Variants in PRICKLE1 observed in about 807,000 individuals in gnomAD.
PRICKLE1 encodes prickle planar cell polarity protein 1.
Under a neutral mutation model 70.2 loss-of-function variants are expected in PRICKLE1, and 14 were observed. The observed-to-expected ratio is 0.20, with a 90% CI of 0.13 to 0.31. PRICKLE1 has a LOEUF of 0.31. Among genes scored for constraint, PRICKLE1 ranks in the 10% least tolerant of loss-of-function variants. The pLI, the probability that PRICKLE1 is intolerant of heterozygous loss-of-function variation, is 1.00. For synonymous variants in PRICKLE1, 357 were observed against 379.9 expected (o/e 0.94, Z 0.70); for missense variants, 821 against 1,026.2 (o/e 0.80, Z 2.73).
chr12:42,553,098 C>T (rs1023520789), intron 1 of PRICKLE1, among the ~76,000 whole-genome samples: 2 of 152,048 alleles, frequency 1.3e-5, no homozygotes, highest in Non-Finnish European at 2.9e-5. Context: ...GGGTGGGGAC[C>T]CCTGTCTTAG....
chr12:42,533,867 A>T (rs1939969316), intron 1 of PRICKLE1, among the ~76,000 whole-genome samples: 1 of 152,100 alleles, frequency 6.6e-6, no homozygotes, highest in Non-Finnish European at 1.5e-5. Flanking sequence ...CCTCCCACAC[A>T]AAAACGCCCC....
chr12:42,461,222 T>A (rs1937819930), intron 7 of PRICKLE1, among the ~76,000 whole-genome samples: 1 of 152,248 alleles, frequency 6.6e-6, no homozygotes, highest in African/African-American at 2.4e-5. Context: ...CAAAGATTAG[T>A]TAAGTAGTTA....
chr12:42,488,896 T>G (rs1024076351), intron 1 of PRICKLE1, among the ~76,000 whole-genome samples: 1 of 151,950 alleles, frequency 6.6e-6, no homozygotes, highest in Non-Finnish European at 1.5e-5. Flanking sequence ...TCACATTATA[T>G]GTAAACCTTT....
At chr12:42,543,166 G>GC (rs1244272703) in intron 1 of PRICKLE1, among the ~76,000 whole-genome samples, 4 of 152,286 alleles carry the variant, frequency 2.6e-5, no homozygotes, top group Admixed American at 2.6e-4. Context: ...AAGCCAGCCA[G>GC]CCCAAGGTGC....
chr12:42,461,279 C>T (rs1191235356), intron 7 of PRICKLE1, among the ~76,000 whole-genome samples: 2 of 152,206 alleles, frequency 1.3e-5, no homozygotes, highest in Non-Finnish European at 2.9e-5. Flanking sequence ...TTCACAGCAG[C>T]CTGTTCATTC....
chr12:42,485,213 C>T (rs1479087832), intron 1 of PRICKLE1: 1 of 143,120 alleles, frequency 7.0e-6, no homozygotes, highest in African/African-American at 2.6e-5. Flanking sequence ...TCTGTTATCT[C>T]AGCTACAAAG....
At chr12:42,520,390 G>A (rs767990081) in intron 1 of PRICKLE1, among the ~76,000 whole-genome samples, 1 of 152,186 alleles carries the variant, frequency 6.6e-6, no homozygotes, top group Non-Finnish European at 1.5e-5. Context: ...CCCTGAGACA[G>A]AATATGACTC....
At chr12:42,463,929 A>G (rs1350392655) in intron 7 of PRICKLE1, among the ~76,000 whole-genome samples, 1 of 152,100 alleles carries the variant, frequency 6.6e-6, no homozygotes, top group Non-Finnish European at 1.5e-5. Flanking sequence ...CTCACCTCAC[A>G]CATGTGTTTG....
intron 1 of PRICKLE1, among the ~76,000 whole-genome samples, chr12:42,498,152 T>A (rs2140178578): frequency 6.7e-6 from 1 of 149,108 alleles, no homozygotes; most frequent in African/African-American, 2.5e-5. Context: ...CTAGTCTCAT[T>A]TTCTTTTTTT....
Position 42,459,885 on chromosome 12 carries a change from G to A in PRICKLE1, c.2420C>T (p.Thr807Ile). ...TGTTGTCCTCTGACCAAACTGAGGG[G>A]TGGGAAGTGCAGATGGTGGACTAGA... ...DLSSPPSALPTPQFGQRTTKS... is the reference protein window; with the variant it reads ...DLSSPPSALPIPQFGQRTTKS... Residue 807 changes from threonine (T) to isoleucine (I), a missense_variant, in exon 8 of 8, where the codon ACC (threonine) becomes ATC (isoleucine). By Grantham distance (89) the Thr-to-Ile change is moderately conservative. Coordinates refer to ENST00000345127, the MANE Select transcript of PRICKLE1 (RefSeq NM_153026.3). 1.9e-6 allele frequency: 3 copies of A among 1,614,076 alleles called. No individual in the cohort carries two copies. Among genetic ancestry groups the A allele is most frequent in the Non-Finnish European group, 2.5e-6 (3 of 1,179,964 alleles).
chr12:42,549,405 T>C (rs1253367520), intron 1 of PRICKLE1, among the ~76,000 whole-genome samples: 1 of 152,200 alleles, frequency 6.6e-6, no homozygotes, highest in Non-Finnish European at 1.5e-5. Context: ...GTTAAACTTA[T>C]CTTGACATAG....
intron 1 of PRICKLE1, among the ~76,000 whole-genome samples, chr12:42,552,332 T>G (rs1260580618): frequency 6.6e-6 from 1 of 152,148 alleles, no homozygotes; most frequent in African/African-American, 2.4e-5. Flanking sequence ...CCTCCCAAAG[T>G]GCTGGGATTA....
intron 1 of PRICKLE1, among the ~76,000 whole-genome samples, chr12:42,475,215 TAA>T (rs1938475677): frequency 6.6e-6 from 1 of 152,226 alleles, no homozygotes; most frequent in African/African-American, 2.4e-5. Flanking sequence ...ATGCACAAAG[TAA>T]AGAGTCCAAC....
intron 1 of PRICKLE1, among the ~76,000 whole-genome samples, chr12:42,549,724 C>A (rs1332803548): frequency 6.6e-6 from 1 of 152,194 alleles, no homozygotes; most frequent in African/African-American, 2.4e-5. Context: ...CACACTGCTG[C>A]CACATAGAGT....
intron 1 of PRICKLE1, among the ~76,000 whole-genome samples, chr12:42,478,083 T>G (rs184711856): frequency 3.9e-5 from 6 of 152,220 alleles, no homozygotes; most frequent in African/African-American, 1.4e-4. Flanking sequence ...TTTGCTCCAT[T>G]TGCTTTTGCA....
In PRICKLE1 at chr12:42,498,940, C is replaced by A. The variant is rs1165024613; in HGVS notation, c.-48-26376G>T. 2.6e-5 allele frequency among the ~76,000 whole-genome samples: 4 copies of A among 152,224 alleles called. No individual in the cohort carries two copies. In the East Asian group the frequency reaches 7.7e-4, roughly 29 times the overall value. ...ACCAAGGGCTTCCACACTGAGCTCT[C>A]ACTGCTCCAGAACTCTCCATCAGTC... On this transcript the variant is annotated intron_variant, in intron 1 of 7. Coordinates refer to ENST00000345127, the MANE Select transcript of PRICKLE1 (RefSeq NM_153026.3).
At chr12:42,536,760 C>T (rs1235572039) in intron 1 of PRICKLE1, among the ~76,000 whole-genome samples, 3 of 152,142 alleles carry the variant, frequency 2.0e-5, no homozygotes, top group Non-Finnish European at 2.9e-5. Context: ...CTGAGCCCAT[C>T]ACTGTCTTCT....
chr12:42,536,402 T>A (rs1028812758), intron 1 of PRICKLE1, among the ~76,000 whole-genome samples: 1 of 152,144 alleles, frequency 6.6e-6, no homozygotes, highest in Non-Finnish European at 1.5e-5. Context: ...CACCCCTAGA[T>A]CCTCCAGCTG....
Position 42,464,314 on chromosome 12 carries a change from C to T in PRICKLE1, c.1639+81G>A. 6.4e-7 allele frequency: 1 copy of T among 1,568,122 alleles called. No homozygotes were observed. Among genetic ancestry groups the T allele is most frequent in the Non-Finnish European group, 8.8e-7 (1 of 1,140,400 alleles). ...GGAATTATAGGCATGAGCCACTGCG[C>T]CTGGCTTGAATTGCAATTTTTTGAA... On this transcript the variant is annotated intron_variant, in intron 7 of 7. Transcript: ENST00000345127. This position sits in a 1 kb window ranked among gnomAD's most constrained non-coding sequence, Gnocchi z 4.2.
Sources: gnomAD v4.1 joint callset for allele counts (sites outside exome capture counted in the v4.1 genomes callset) on GRCh38, gnomAD v4.1.1 for gene constraint, Gnocchi (gnomAD v3.1) non-coding constraint, MANE v1.5 for transcripts, NCBI Gene and HGNC (gene_info 2026-07-23, HGNC 2026-07-21) for gene names.